EXT1: variants seen among roughly 807,000 people sequenced by gnomAD.
The protein encoded by EXT1 is exostosin glycosyltransferase 1.
A neutral mutation model predicts 82.5 loss-of-function variants in EXT1; 20 were observed. The ratio of observed to expected loss-of-function variants is 0.24; its 90% CI spans 0.17 to 0.35. The LOEUF (loss-of-function observed/expected upper bound fraction) is 0.35. EXT1 is among the 10% of genes least tolerant of loss of function. The pLI, the probability that EXT1 is intolerant of heterozygous loss-of-function variation, is 1.00. For synonymous variants in EXT1, 348 were observed against 350.8 expected, an observed-to-expected ratio of 0.99 and a Z score of 0.09; for missense variants, 757 against 936.5, an observed-to-expected ratio of 0.81 and a Z score of 2.50.
chr8:117,945,817 A>C (rs1814376232), intron 1 of EXT1, among the ~76,000 whole-genome samples: 1 of 152,148 alleles, frequency 6.6e-6, no homozygotes, highest in South Asian at 2.1e-4. Context: ...TATTTATTTC[A>C]GATGTTAGAC....
intron 1 of EXT1, among the ~76,000 whole-genome samples, chr8:118,107,715 T>C (rs1225380077): frequency 6.6e-6 from 1 of 152,192 alleles, no homozygotes. Context: ...AAAAAACCAA[T>C]AATAAATGGC....
intron 1 of EXT1, among the ~76,000 whole-genome samples, chr8:118,063,489 G>C (rs958009478): frequency 1.3e-5 from 2 of 152,254 alleles, no homozygotes; most frequent in Non-Finnish European, 2.9e-5. Flanking sequence ...AGTCTGGACA[G>C]AGGTGAACCA....
At chr8:117,840,239 T>G (rs542460870) in intron 1 of EXT1, among the ~76,000 whole-genome samples, 1 of 152,122 alleles carries the variant, frequency 6.6e-6, no homozygotes, top group African/African-American at 2.4e-5. Context: ...TACAGGAGCT[T>G]TACTCTGGGG....
chr8:117,973,223 C>T (rs1294914809), intron 1 of EXT1, among the ~76,000 whole-genome samples: 2 of 152,082 alleles, frequency 1.3e-5, no homozygotes, highest in African/African-American at 2.4e-5. Context: ...CTGATGGTAG[C>T]ACGTGATACA....
At chr8:117,820,708 AAAAACTT>A (rs1811909350) in intron 5 of EXT1, among the ~76,000 whole-genome samples, 1 of 152,146 alleles carries the variant, frequency 6.6e-6, no homozygotes, top group African/African-American at 2.4e-5. Flanking sequence ...GAAAAAAAAA[AAAAACTT>A]AATGCATACA....
At chr8:117,827,830 A>C (rs1315388201) in intron 4 of EXT1, among the ~76,000 whole-genome samples, 1 of 150,076 alleles carries the variant, frequency 6.7e-6, no homozygotes, top group African/African-American at 2.5e-5. Context: ...AACATTTGGC[A>C]TATTATTTGA....
intron 1 of EXT1, among the ~76,000 whole-genome samples, chr8:117,845,261 A>G (rs1261033271): frequency 1.3e-5 from 2 of 152,228 alleles, no homozygotes; most frequent in African/African-American, 2.4e-5. Context: ...GGGGAAAGAT[A>G]CACCTGTCTT....
chr8:117,824,022 T>C (rs549814934), intron 4 of EXT1, among the ~76,000 whole-genome samples: 11 of 152,242 alleles, frequency 7.2e-5, no homozygotes, highest in Non-Finnish European at 1.2e-4. Context: ...TTGTACAACA[T>C]TTATTCCTGC....
intron 1 of EXT1, among the ~76,000 whole-genome samples, chr8:117,875,420 CTAAATAAATAAATAAATAAA>C (rs67268592): frequency 1.8e-3 from 254 of 139,298 alleles, no homozygotes; most frequent in Non-Finnish European, 3.0e-3. Context: ...AACTACCTCT[CTAAATAAATAAATAAATAAA>C]TAAATAAATA....
chr8:117,957,059 G>A (rs141667253), intron 1 of EXT1, among the ~76,000 whole-genome samples: 75 of 152,320 alleles, frequency 4.9e-4, no homozygotes, highest in Middle Eastern at 3.4e-3. Context: ...TGATAGTTCC[G>A]GGGAAGCAGT....
intron 1 of EXT1, among the ~76,000 whole-genome samples, chr8:117,976,349 A>G (rs745717955): frequency 6.6e-5 from 10 of 152,232 alleles, no homozygotes; most frequent in Non-Finnish European, 1.3e-4. Flanking sequence ...ATTCATAAAT[A>G]GTCCCAAACT....
chr8:118,039,381 G>A (rs1816484986), intron 1 of EXT1, among the ~76,000 whole-genome samples: 1 of 151,720 alleles, frequency 6.6e-6, no homozygotes, highest in Admixed American at 6.6e-5. Flanking sequence ...CCAACATGGT[G>A]AAACCCCGTC....
At chr8:117,920,657 T>C (rs1009609576) in intron 1 of EXT1, among the ~76,000 whole-genome samples, 2 of 152,182 alleles carry the variant, frequency 1.3e-5, no homozygotes, top group Non-Finnish European at 2.9e-5. Context: ...ACACGACCAA[T>C]ACGCCTTACA....
intron 1 of EXT1, among the ~76,000 whole-genome samples, chr8:118,109,834 C>A (rs1817861650): frequency 6.6e-6 from 1 of 152,148 alleles, no homozygotes; most frequent in African/African-American, 2.4e-5. Flanking sequence ...GTTTCCTAAG[C>A]AAGAGGGAGA....
At chr8:117,803,041 T>C (rs556476645) in intron 10 of EXT1, among the ~76,000 whole-genome samples, 19 of 152,346 alleles carry the variant, frequency 1.2e-4, no homozygotes, top group African/African-American at 3.8e-4. Flanking sequence ...TTCCAATGCC[T>C]GTGAGAACAA....
Position 118,098,538 on chromosome 8 carries a change from C to T in EXT1, c.962+11547G>A, listed in dbSNP as rs548923963. On this transcript the variant is annotated intron_variant, in intron 1 of 10. Coordinates refer to ENST00000378204, the MANE Select transcript of EXT1 (RefSeq NM_000127.3). ...TTGGGAGGCCGAGGCGGACAGATCA[C>T]GAGGTCAGGAGATCAAGACCGTCCT... Among the ~76,000 whole-genome samples, 157 of 152,094 alleles carry T rather than the reference C, an allele frequency of 1.0e-3. 1 individual carries two copies. The highest frequency in any genetic ancestry group is 3.4e-3 in the Middle Eastern group (1 of 290).
chr8:117,804,710 T>C lies in EXT1; in HGVS notation c.2055+12A>G, dbSNP rs1223227450. The C allele has an allele frequency of 1.9e-6, 3 of 1,613,976 alleles. No homozygotes were observed. Among genetic ancestry groups the C allele is most frequent in the Non-Finnish European group, 1.7e-6 (2 of 1,179,854 alleles). Reference sequence around the variant, plus strand: ...TGAGTGAAGCAAGGGAAGAGGGCTCTTCTATACTTACCTGTCCCATCATTG... The same window carrying C: ...TGAGTGAAGCAAGGGAAGAGGGCTCCTCTATACTTACCTGTCCCATCATTG... On this transcript the variant is annotated intron_variant, in intron 10 of 10. Coordinates refer to ENST00000378204, the MANE Select transcript of EXT1 (RefSeq NM_000127.3).
chr8:117,843,664 A>G (rs1812307673), intron 1 of EXT1, among the ~76,000 whole-genome samples: 1 of 152,110 alleles, frequency 6.6e-6, no homozygotes. Flanking sequence ...CTTGCAGGTG[A>G]CTGGGGTGTC....
chr8:117,848,168 G>A (rs545636598), intron 1 of EXT1, among the ~76,000 whole-genome samples: 8 of 152,142 alleles, frequency 5.3e-5, no homozygotes, highest in Non-Finnish European at 1.0e-4. Context: ...TTCCCGTCTG[G>A]GTATGTGAAT....
Sources: gnomAD v4.1 joint callset for allele counts (sites outside exome capture counted in the v4.1 genomes callset) on GRCh38, gnomAD v4.1.1 for gene constraint, MANE v1.5 for transcripts, NCBI Gene and HGNC (gene_info 2026-07-23, HGNC 2026-07-21) for gene names.